NMNAT1: variants seen among roughly 807,000 people sequenced by gnomAD.
NMNAT1 encodes the protein nicotinamide nucleotide adenylyltransferase 1, also known as nicotinamide/nicotinic acid mononucleotide adenylyltransferase 1.
In NMNAT1, 11 loss-of-function variants were observed where a neutral mutation model predicts 16.7. The ratio of observed to expected loss-of-function variants is 0.66; its 90% CI spans 0.41 to 1.09. The LOEUF is 1.09. Ranked by LOEUF, NMNAT1 falls within the 50% of genes least tolerant of loss-of-function variation. The pLI is 0.00. For synonymous variants in NMNAT1, 110 were observed against 119.8 expected, an observed-to-expected ratio of 0.92 and a Z score of 0.53; for missense variants, 280 against 332.3, an observed-to-expected ratio of 0.84 and a Z score of 1.22.
Position 9,984,464 on chromosome 1 carries a change from A to C in NMNAT1, c.*1763A>C, listed in dbSNP as rs1642013408. ...GAGGATGCTGTTGATGCTGCCACGT[A>C]ATAGCATAATTTTGGGTGTCCTCAA... On this transcript the variant is annotated 3_prime_UTR_variant, in exon 5 of 5. Transcript: ENST00000377205. 6.6e-6 allele frequency: 1 copy of C among 152,128 alleles called. No homozygotes were observed. The highest frequency in any genetic ancestry group is 1.5e-5 in the Non-Finnish European group (1 of 68,026). 9.4% of individuals were successfully genotyped at this position (152,128 alleles called of 1,614,324 possible).
intron 1 of NMNAT1, among the ~76,000 whole-genome samples, chr1:9,957,515 G>A (rs566585346): frequency 1.4e-5 from 2 of 144,450 alleles, no homozygotes; most frequent in South Asian, 4.4e-4. Flanking sequence ...GGCTGGTCTC[G>A]AACTATTGAC....
intron 1 of NMNAT1, among the ~76,000 whole-genome samples, chr1:9,964,724 G>A (rs11581955): frequency 0.018 from 2,760 of 151,764 alleles, 72 homozygotes; most frequent in African/African-American, 0.058. Flanking sequence ...CGAGGCAGGC[G>A]GATCATGAGG....
chr1:9,971,248 G>A (rs11121507), intron 1 of NMNAT1, among the ~76,000 whole-genome samples: 146,780 of 152,272 alleles, frequency 0.96, 70,971 homozygotes, highest in East Asian at 1. Flanking sequence ...AGAAGTTGCA[G>A]ATTCACATTG....
intron 3 of NMNAT1, among the ~76,000 whole-genome samples, chr1:9,979,933 A>AT (rs35657877): frequency 2.0e-5 from 3 of 150,050 alleles, no homozygotes; most frequent in South Asian, 2.1e-4. Flanking sequence ...TGTTGAGAAG[A>AT]TTTTTTTTTT....
intron 1 of NMNAT1, among the ~76,000 whole-genome samples, chr1:9,965,916 A>C (rs1641530705): frequency 6.6e-6 from 1 of 151,980 alleles, no homozygotes; most frequent in Non-Finnish European, 1.5e-5. Context: ...TGAGCCTAGG[A>C]GGCAGAGGCT....
intron 4 of NMNAT1, chr1:9,981,527 G>A (rs57321792): frequency 0.016 from 2,901 of 185,120 alleles, 96 homozygotes; most frequent in African/African-American, 0.065. Flanking sequence ...GAGCCACAGC[G>A]CCTGGGCCTT....
chr1:9,983,771 G>A lies in NMNAT1; in HGVS notation c.*1070G>A, dbSNP rs557527848. 6.6e-6 allele frequency: 1 copy of A among 152,108 alleles called. No homozygotes were observed. The highest frequency in any genetic ancestry group is 1.5e-5 in the Non-Finnish European group (1 of 68,046). The allele number at this position is 152,108 out of a possible 1,614,324, so 9.4% of individuals were successfully genotyped here. A position where few individuals can be genotyped will look rare whatever the true frequency, so the allele number is the denominator to read the frequency against. On this transcript the variant is annotated 3_prime_UTR_variant, in exon 5 of 5. Transcript: ENST00000377205. ...GTCATTTTCTCCTCCTTAGCTTCTTGGAGTTTAAGAGTTGAAGGAGTCCTG... is the reference window on the plus strand; with the variant it reads ...GTCATTTTCTCCTCCTTAGCTTCTTAGAGTTTAAGAGTTGAAGGAGTCCTG...
At chr1:9,957,250 C>T (rs1641284677) in intron 1 of NMNAT1, among the ~76,000 whole-genome samples, 1 of 151,920 alleles carries the variant, frequency 6.6e-6, no homozygotes, top group African/African-American at 2.4e-5. Flanking sequence ...GCTGGTCTCA[C>T]ACTCCCAACC....
At chr1:9,995,256 A>G in the NMNAT1 span, among the ~76,000 whole-genome samples, 1 of 152,164 alleles carries the variant, frequency 6.6e-6, no homozygotes, top group Non-Finnish European at 1.5e-5. Context: ...AAAATTAGTC[A>G]GGCATGGTGG....
At chr1:9,994,625 T>A in the NMNAT1 span, among the ~76,000 whole-genome samples, 1 of 148,446 alleles carries the variant, frequency 6.7e-6, no homozygotes, top group Non-Finnish European at 1.5e-5. Flanking sequence ...ATTTTTTTTT[T>A]TTTTTGAGAC....
At chr1:9,968,297 C>T (rs1340106214) in intron 1 of NMNAT1, among the ~76,000 whole-genome samples, 1 of 151,272 alleles carries the variant, frequency 6.6e-6, no homozygotes, top group African/African-American at 2.4e-5. Flanking sequence ...TGGTCTCGAT[C>T]TCCTGACCTC....
rs755593250 is a variant in NMNAT1 at position 9,975,729 on chromosome 1, T to C, written c.253T>C (p.Trp85Arg). Residue 85 changes from tryptophan to arginine, a missense_variant, in exon 3 of 5, where the codon TGG (tryptophan) becomes CGG (arginine). Coordinates refer to ENST00000377205, the MANE Select transcript of NMNAT1 (RefSeq NM_022787.4). ...KNSKWVEVDT[W>R]ESLQKEWKET... Reference sequence around the variant, plus strand: ...TTCTAAATGGGTGGAAGTTGATACATGGGAAAGTCTTCAGAAGGAGTGGAA... The same window carrying C: ...TTCTAAATGGGTGGAAGTTGATACACGGGAAAGTCTTCAGAAGGAGTGGAA... 1 of 1,613,954 alleles carries C rather than the reference T, an allele frequency of 6.2e-7. No individual in the cohort carries two copies. Among genetic ancestry groups the C allele is most frequent in the Non-Finnish European group, 8.5e-7 (1 of 1,180,006 alleles).
At chr1:9,947,863 C>G (rs1048979770) in intron 1 of NMNAT1, among the ~76,000 whole-genome samples, 1 of 152,164 alleles carries the variant, frequency 6.6e-6, no homozygotes, top group Non-Finnish European at 1.5e-5. Flanking sequence ...GTACCCTTGC[C>G]TCTCCCTACA....
In NMNAT1 at chr1:9,972,158, G is replaced by T; in HGVS notation, c.85G>T (p.Glu29Ter). The change falls in exon 2 of 5, where the codon GAG becomes TAG. Residue 29 changes from glutamate to a stop codon, truncating the protein, a stop_gained. Coordinates refer to ENST00000377205, the MANE Select transcript of NMNAT1 (RefSeq NM_022787.4). LOFTEE classifies it high-confidence loss of function. ...CACCAACATGCACCTCAGGTTGTTT[G>T]AGCTGGCCAAGGACTACATGAATGG... Reference protein sequence around the residue: ...PITNMHLRLFELAKDYMNGTG... With the variant: ...PITNMHLRLF 1 of 1,611,440 alleles carries T rather than the reference G, an allele frequency of 6.2e-7. No individual in the cohort carries two copies. The highest frequency in any genetic ancestry group is 8.5e-7 in the Non-Finnish European group (1 of 1,177,716).
intron 1 of NMNAT1, among the ~76,000 whole-genome samples, chr1:9,966,274 G>A (rs1299460320): frequency 6.6e-6 from 1 of 151,782 alleles, no homozygotes; most frequent in Non-Finnish European, 1.5e-5. Flanking sequence ...ACTCCACCGT[G>A]GGCAACAGAG....
chr1:9,969,463 T>C (rs568225510), intron 1 of NMNAT1, among the ~76,000 whole-genome samples: 1 of 152,266 alleles, frequency 6.6e-6, no homozygotes, highest in South Asian at 2.1e-4. Context: ...GATTAGATGC[T>C]TCAGCTCTAA....
Position 9,946,342 on chromosome 1 carries a change from T to G in NMNAT1, c.-57+2827T>G, listed in dbSNP as rs563283373. 5.3e-5 allele frequency among the ~76,000 whole-genome samples: 8 copies of G among 152,268 alleles called. No individual in the cohort carries two copies. The East Asian group carries it at 1.2e-3, about 22-fold the overall frequency. ...AAACTGGAGAAAGAGAAATAAGATG[T>G]TAGGTAGGAAACCATGGGAGACAGC... On this transcript the variant is annotated intron_variant, in intron 1 of 4. Transcript: ENST00000377205.
Position 9,982,714 on chromosome 1 carries a change from A to G in NMNAT1, c.*13A>G. On this transcript the variant is annotated 3_prime_UTR_variant, in exon 5 of 5. Coordinates refer to ENST00000377205, the MANE Select transcript of NMNAT1 (RefSeq NM_022787.4). ...AGCTAAGACATAGGAATTCTACAGC[A>G]TGATATTTCAGACTTCCCATTTGGG... 6.4e-7 allele frequency: 1 copy of G among 1,573,380 alleles called. No individual in the cohort carries two copies. Among genetic ancestry groups the G allele is most frequent in the South Asian group, 1.2e-5 (1 of 84,984 alleles).
the NMNAT1 span, among the ~76,000 whole-genome samples, chr1:9,996,641 C>G: frequency 6.6e-6 from 1 of 152,096 alleles, no homozygotes; most frequent in African/African-American, 2.4e-5. Context: ...GTTTGTGCTG[C>G]AGGGATACTG....
Sources: gnomAD v4.1 joint callset for allele counts (sites outside exome capture counted in the v4.1 genomes callset) on GRCh38, gnomAD v4.1.1 for gene constraint, MANE v1.5 for transcripts, NCBI Gene and HGNC (gene_info 2026-07-23, HGNC 2026-07-21) for gene names.